Variants in KREMEN1 observed in about 807,000 individuals in gnomAD.
The protein encoded by KREMEN1 is kringle containing transmembrane protein 1.
KREMEN1 carries 30 observed loss-of-function variants against 46.5 expected under a neutral mutation model. That is an observed-to-expected ratio of 0.65 (90% CI 0.48 to 0.88). The LOEUF is 0.88. KREMEN1 is among the 40% of genes least tolerant of loss of function. The pLI, the probability that KREMEN1 is intolerant of heterozygous loss-of-function variation, is 0.00. For synonymous variants in KREMEN1, 214 were observed against 230.6 expected, an observed-to-expected ratio of 0.93 and a Z score of 0.65; for missense variants, 533 against 596.9, an observed-to-expected ratio of 0.89 and a Z score of 1.11.
At chr22:29,126,028 A>C (rs1299387378) in intron 5 of KREMEN1, among the ~76,000 whole-genome samples, 1 of 151,958 alleles carries the variant, frequency 6.6e-6, no homozygotes, top group African/African-American at 2.4e-5. Flanking sequence ...TCCTCATCAT[A>C]ATCCACCAGC....
Position 29,131,600 on chromosome 22 carries a change from GTATATATGTGTGTATA to G in KREMEN1, c.632-5736_632-5721del, listed in dbSNP as rs2038544954. On this transcript the variant is annotated intron_variant, in intron 5 of 8. Transcript: ENST00000400335. ...TGTGTGTGTGTGTGTGTGTGTATAT[GTATATATGTGTGTATA>G]TATATGTATATATGTATATATATGT... Among the ~76,000 whole-genome samples the G allele has an allele frequency of 8.9e-5, 11 of 124,282 alleles. No homozygotes were observed. The East Asian group carries it at 1.8e-3, about 20-fold the overall frequency. The allele number at this position is 124,282 out of a possible 152,430, so 81.5% of individuals were successfully genotyped here. A position where few individuals can be genotyped will look rare whatever the true frequency, so the allele number is the denominator to read the frequency against.
intron 1 of KREMEN1, among the ~76,000 whole-genome samples, chr22:29,079,347 C>G (rs1243759732): frequency 6.6e-6 from 1 of 152,260 alleles, no homozygotes; most frequent in African/African-American, 2.4e-5. Context: ...CCACCTCACA[C>G]GCAAAGTTGC....
In KREMEN1 at chr22:29,144,183, G is replaced by A; in HGVS notation, c.*2071G>A. ...TGGCGTTTCCTCTTTGCAGCACTTT[G>A]CCTACCTCCCCCAAGCCCTGAGCCA... is the stretch of plus-strand genomic sequence containing the variant. On this transcript the variant is annotated 3_prime_UTR_variant, in exon 9 of 9. Transcript: ENST00000400335. 1 of 985,628 alleles carries A rather than the reference G, an allele frequency of 1.0e-6. No individual in the cohort carries two copies. Among genetic ancestry groups the A allele is most frequent in the Non-Finnish European group, 1.2e-6 (1 of 830,072 alleles). The allele number at this position is 985,628 out of a possible 1,614,324, so 61.1% of individuals were successfully genotyped here.
At chr22:29,113,681 G>T (rs1482613344) in intron 3 of KREMEN1, among the ~76,000 whole-genome samples, 2 of 152,176 alleles carry the variant, frequency 1.3e-5, no homozygotes, top group Non-Finnish European at 2.9e-5. Flanking sequence ...CCTAGGGTTT[G>T]TCTCACTGTA....
rs144907162 is a variant in KREMEN1, at chr22:29,141,261, ATG to A, written c.1209-667_1209-666del. 1.9e-3 allele frequency among the ~76,000 whole-genome samples: 272 copies of A among 146,400 alleles called. 1 individual carries two copies. Among genetic ancestry groups the A allele is most frequent in the African/African-American group, 5.0e-3 (196 of 39,274 alleles). On this transcript the variant is annotated intron_variant, in intron 8 of 8. Coordinates refer to ENST00000400335, the MANE Select transcript of KREMEN1 (RefSeq NM_001039570.3). ...TGTGTGTGTGTGTGTCTGCATGTGC[ATG>A]TGTGTGTGTGTGTGTCTGTGTCTGT... is the stretch of plus-strand genomic sequence containing the variant.
chr22:29,160,342 C>T (rs2038999724), intron 9 of KREMEN1, among the ~76,000 whole-genome samples: 1 of 149,816 alleles, frequency 6.7e-6, no homozygotes, highest in African/African-American at 2.5e-5. Flanking sequence ...ACCAGCCTGC[C>T]CAACATGGTG....
chr22:29,142,448 A>G lies in KREMEN1; in HGVS notation c.*336A>G, dbSNP rs576627978. On this transcript the variant is annotated 3_prime_UTR_variant, in exon 9 of 9. Coordinates refer to ENST00000400335, the MANE Select transcript of KREMEN1 (RefSeq NM_001039570.3). ...GGTGGTCATGGCTGGCACAGGGCTCAGGTACATTCTAGATGGCTGTCAGGT... is the reference window on the plus strand; with the variant it reads ...GGTGGTCATGGCTGGCACAGGGCTCGGGTACATTCTAGATGGCTGTCAGGT... 30 of 1,047,488 alleles carry G rather than the reference A, an allele frequency of 2.9e-5. No homozygotes were observed. The South Asian group carries it at 3.2e-4, about 11-fold the overall frequency. The allele number at this position is 1,047,488 out of a possible 1,614,324, so 64.9% of individuals were successfully genotyped here.
rs147576042 is a variant in KREMEN1, at chr22:29,073,687, T to A, written c.97+460T>A. ...CGACTTCCCCCGGGCCGGGACGTCC[T>A]CTGCTCCCCGGTACCTCCTAGGATC... On this transcript the variant is annotated intron_variant, in intron 1 of 8. Coordinates refer to ENST00000400335, the MANE Select transcript of KREMEN1 (RefSeq NM_001039570.3). The surrounding 1 kb of genome is among the most constrained non-coding windows in gnomAD (Gnocchi z 4.4). 1.5e-5 allele frequency among the ~76,000 whole-genome samples: 2 copies of A among 129,498 alleles called. No individual in the cohort carries two copies. The highest frequency in any genetic ancestry group is 3.3e-5 in the Non-Finnish European group (2 of 60,748). The allele number at this position is 129,498 out of a possible 152,430, so 85.0% of individuals were successfully genotyped here.
At chr22:29,104,157 ATTTT>A (rs35950264) in intron 3 of KREMEN1, among the ~76,000 whole-genome samples, 1 of 140,388 alleles carries the variant, frequency 7.1e-6, no homozygotes, top group Non-Finnish European at 1.6e-5. Context: ...CTAAATTGTA[ATTTT>A]TTTTTTTTTT....
rs150820404 is a variant in KREMEN1 at position 29,141,214 on chromosome 22, A to G, written c.1209-730A>G. Among the ~76,000 whole-genome samples, 1,004 of 141,838 alleles carry G rather than the reference A, an allele frequency of 7.1e-3. 12 individuals carry two copies. The highest frequency in any genetic ancestry group is 6.4e-3 in the Non-Finnish European group (420 of 65,172). The allele number at this position is 141,838 out of a possible 152,430, so 93.1% of individuals were successfully genotyped here. A position where few individuals can be genotyped will look rare whatever the true frequency, so the allele number is the denominator to read the frequency against. On this transcript the variant is annotated intron_variant, in intron 8 of 8. Coordinates refer to ENST00000400335, the MANE Select transcript of KREMEN1 (RefSeq NM_001039570.3). Reference sequence around the variant, plus strand: ...ACCCTACACTTGAAATTTTTAGTGGAAATAATGTCCTCGTGTGTGTGTGTG... The same window carrying G: ...ACCCTACACTTGAAATTTTTAGTGGGAATAATGTCCTCGTGTGTGTGTGTG...
At chr22:29,106,365 C>T (rs912294552) in intron 3 of KREMEN1, among the ~76,000 whole-genome samples, 9 of 151,640 alleles carry the variant, frequency 5.9e-5, no homozygotes, top group Non-Finnish European at 1.0e-4. Context: ...GGACTCCAGG[C>T]GCCCGCCATC....
intron 3 of KREMEN1, among the ~76,000 whole-genome samples, chr22:29,101,257 A>G (rs966475523): frequency 1.1e-4 from 16 of 149,102 alleles, no homozygotes; most frequent in Non-Finnish European, 2.1e-4. Context: ...GTCTCCAAAA[A>G]AAAAAAAAAA....
intron 9 of KREMEN1, among the ~76,000 whole-genome samples, chr22:29,157,867 C>T (rs927928913): frequency 6.6e-6 from 1 of 152,232 alleles, no homozygotes; most frequent in African/African-American, 2.4e-5. Context: ...CCATCTGTGT[C>T]ACAAACAGGC....
chr22:29,157,709 C>G (rs1189756200), intron 9 of KREMEN1, among the ~76,000 whole-genome samples: 9 of 152,210 alleles, frequency 5.9e-5, no homozygotes, highest in African/African-American at 1.9e-4. Context: ...AACACGGAGG[C>G]TGGTGGCAAG....
chr22:29,160,539 C>CAAAAAAAA (rs132303), intron 9 of KREMEN1, among the ~76,000 whole-genome samples: 1 of 103,494 alleles, frequency 9.7e-6, no homozygotes, highest in African/African-American at 3.6e-5. Flanking sequence ...GACTCCGTCT[C>CAAAAAAAA]AAAAAAAAAA....
downstream of KREMEN1, among the ~76,000 whole-genome samples, chr22:29,148,477 C>T (rs115700044): frequency 6.9e-3 from 1,035 of 150,076 alleles, 14 homozygotes; most frequent in African/African-American, 0.024. Context: ...TTTTTGGAGA[C>T]GGAGTTTTGC....
chr22:29,145,853 G>A lies in KREMEN1; in HGVS notation c.*3741G>A. On this transcript the variant is annotated 3_prime_UTR_variant, in exon 9 of 9. Transcript: ENST00000400335. The stretch of plus-strand genomic sequence containing the variant: ...GATCAAAGCACTAGCAAGTTCAGCT[G>A]TCCTGGCCCTCGGGTAGAACCCACG... 3 of 985,666 alleles carry A rather than the reference G, an allele frequency of 3.0e-6. No homozygotes were observed. Among genetic ancestry groups the A allele is most frequent in the Non-Finnish European group, 3.6e-6 (3 of 829,966 alleles). The allele number at this position is 985,666 out of a possible 1,614,324, so 61.1% of individuals were successfully genotyped here. A position where few individuals can be genotyped will look rare whatever the true frequency, so the allele number is the denominator to read the frequency against.
At chr22:29,131,534 A>G (rs1326426922) in intron 5 of KREMEN1, among the ~76,000 whole-genome samples, 317 of 14,504 alleles carry the variant, frequency 0.022, 12 homozygotes, top group African/African-American at 0.042. Flanking sequence ...ATATATATAT[A>G]TATATATATA....
intron 3 of KREMEN1, among the ~76,000 whole-genome samples, chr22:29,104,828 C>T (rs1041704892): frequency 6.6e-6 from 1 of 152,074 alleles, no homozygotes; most frequent in African/African-American, 2.4e-5. Flanking sequence ...TGGGAAGCAG[C>T]GGTTGCAGTG....
Sources: gnomAD v4.1 joint callset for allele counts (sites outside exome capture counted in the v4.1 genomes callset) on GRCh38, gnomAD v4.1.1 for gene constraint, Gnocchi (gnomAD v3.1) non-coding constraint, MANE v1.5 for transcripts, NCBI Gene and HGNC (gene_info 2026-07-23, HGNC 2026-07-21) for gene names.